NAV3: variants seen among roughly 807,000 people sequenced by gnomAD.
The protein encoded by NAV3 is neuron navigator 3.
NAV3 carries 87 observed loss-of-function variants against 244.7 expected under a neutral mutation model. The observed-to-expected ratio is 0.36, with a 90% CI of 0.30 to 0.42. The LOEUF (loss-of-function observed/expected upper bound fraction) is 0.42, where lower values mean the gene tolerates loss of function less well. Ranked by LOEUF, NAV3 falls within the 20% of genes least tolerant of loss-of-function variation. The probability of loss-of-function intolerance (pLI) is 1.00; values close to 1 mark genes in which losing one functional copy is unlikely to be tolerated. For synonymous variants in NAV3, 1,126 were observed against 1,042.2 expected, an observed-to-expected ratio of 1.08 and a Z score of -1.55; for missense variants, 2,663 against 2,893.3, an observed-to-expected ratio of 0.92 and a Z score of 1.83.
intron 1 of NAV3, among the ~76,000 whole-genome samples, chr12:77,889,021 C>A (rs924508815): frequency 1.3e-5 from 2 of 152,148 alleles, no homozygotes; most frequent in Non-Finnish European, 2.9e-5. Flanking sequence ...CTGGGCCCAG[C>A]ATGATGGTTA....
chr12:77,637,000 T>A (rs12816877), intron 2 of NAV3, among the ~76,000 whole-genome samples: 1 of 151,274 alleles, frequency 6.6e-6, no homozygotes, highest in Admixed American at 6.6e-5. Context: ...GGGGGTGGGG[T>A]CTTAGGAGAG....
intron 2 of NAV3, among the ~76,000 whole-genome samples, chr12:77,747,696 A>T (rs1275186785): frequency 6.6e-6 from 1 of 152,282 alleles, no homozygotes; most frequent in East Asian, 1.9e-4. Flanking sequence ...TGGAATACTA[A>T]GCAGCCATAA....
At chr12:77,630,557 C>T (rs1212466450) in intron 2 of NAV3, among the ~76,000 whole-genome samples, 1 of 152,164 alleles carries the variant, frequency 6.6e-6, no homozygotes, top group Non-Finnish European at 1.5e-5. Flanking sequence ...TCAGCTTCTC[C>T]TCCTCCCCAG....
intron 2 of NAV3, among the ~76,000 whole-genome samples, chr12:77,772,057 A>G (rs1463278227): frequency 6.6e-6 from 1 of 152,232 alleles, no homozygotes; most frequent in Non-Finnish European, 1.5e-5. Flanking sequence ...TGTACTAAAC[A>G]TGGTGCAAAG....
At chr12:77,966,162 T>C in intron 3 of NAV3, 67 bp from the exon 4 acceptor site, 1 of 1,304,002 alleles carries the variant, frequency 7.7e-7, no homozygotes, top group Admixed American at 1.7e-5. Flanking sequence ...TCTGGTTTCA[T>C]TTTGGCACAT....
chr12:78,043,953 C>G (rs980542901), intron 9 of NAV3, among the ~76,000 whole-genome samples: 1 of 152,140 alleles, frequency 6.6e-6, no homozygotes, highest in African/African-American at 2.4e-5. Context: ...CATTTGTCAA[C>G]TTTGGCTTTT....
intron 2 of NAV3, among the ~76,000 whole-genome samples, chr12:77,617,605 G>A (rs924588637): frequency 6.6e-6 from 1 of 152,176 alleles, no homozygotes; most frequent in Admixed American, 6.5e-5. Flanking sequence ...TTTCAGGGCG[G>A]CCAAGCAAGG....
intron 3 of NAV3, among the ~76,000 whole-genome samples, chr12:77,959,661 C>A (rs1241874256): frequency 6.6e-6 from 1 of 151,730 alleles, no homozygotes; most frequent in Non-Finnish European, 1.5e-5. Context: ...ATGGGCCCCA[C>A]CATCATGGAA....
intron 22 of NAV3, among the ~76,000 whole-genome samples, chr12:78,153,423 G>A (rs968899870): frequency 6.6e-6 from 1 of 151,986 alleles, no homozygotes; most frequent in Non-Finnish European, 1.5e-5. Context: ...TATATTGGCA[G>A]GTCCTATTGC....
At chr12:77,982,819 C>G (rs930281680) in intron 5 of NAV3, among the ~76,000 whole-genome samples, 1 of 152,168 alleles carries the variant, frequency 6.6e-6, no homozygotes, top group African/African-American at 2.4e-5. Context: ...AAAGAATCCA[C>G]TTCCAAGATG....
chr12:78,131,620 T>A (rs549740361), intron 18 of NAV3, among the ~76,000 whole-genome samples: 1 of 152,314 alleles, frequency 6.6e-6, no homozygotes, highest in South Asian at 2.1e-4. Flanking sequence ...CTTCTATTTT[T>A]CCTCACCATT....
At chr12:77,706,186 T>TA (rs1486162940) in intron 2 of NAV3, among the ~76,000 whole-genome samples, 1 of 151,424 alleles carries the variant, frequency 6.6e-6, no homozygotes, top group African/African-American at 2.5e-5. Flanking sequence ...CAGGTATACT[T>TA]ATCACCATGC....
rs2139654682 is a variant in NAV3, at chr12:78,175,508, C to T, written c.5103+81C>T. The T allele has an allele frequency of 2.6e-6, 4 of 1,526,442 alleles. No individual in the cohort carries two copies. In the East Asian group the frequency reaches 7.1e-5, roughly 27 times the overall value. 94.6% of individuals were successfully genotyped at this position (1,526,442 alleles called of 1,614,324 possible). ...CCTTTTTCTTTGGGGCTTTAGTGAT[C>T]TGCAGTAGTTTACAAAGGGTCCCAT... is the stretch of plus-strand genomic sequence containing the variant. On this transcript the variant is annotated intron_variant, in intron 25 of 39. Coordinates refer to ENST00000397909, the MANE Select transcript of NAV3 (RefSeq NM_001024383.2).
At chr12:77,663,382 T>C (rs1324293380) in intron 2 of NAV3, among the ~76,000 whole-genome samples, 1 of 152,160 alleles carries the variant, frequency 6.6e-6, no homozygotes, top group African/African-American at 2.4e-5. Context: ...AGTGCCTCAG[T>C]TGGAAACTAA....
intron 1 of NAV3, among the ~76,000 whole-genome samples, chr12:77,909,499 G>T (rs1345757562): frequency 6.6e-6 from 1 of 152,002 alleles, no homozygotes; most frequent in African/African-American, 2.4e-5. Flanking sequence ...GGCACTGCAT[G>T]CTGGTACCAC....
At chr12:77,872,703 A>C (rs1245805901) in intron 1 of NAV3, among the ~76,000 whole-genome samples, 1 of 152,218 alleles carries the variant, frequency 6.6e-6, no homozygotes, top group Non-Finnish European at 1.5e-5. Context: ...CATGTTTACC[A>C]AGATTTTAAT....
intron 1 of NAV3, among the ~76,000 whole-genome samples, chr12:77,917,226 A>C (rs1359440438): frequency 6.6e-6 from 1 of 152,004 alleles, no homozygotes; most frequent in Non-Finnish European, 1.5e-5. Flanking sequence ...CCTTATAACT[A>C]AATGGCACAT....
At chr12:77,606,078 T>A (rs1049509927) in intron 2 of NAV3, among the ~76,000 whole-genome samples, 1 of 152,154 alleles carries the variant, frequency 6.6e-6, no homozygotes, top group African/African-American at 2.4e-5. Flanking sequence ...TCTCTAGAGA[T>A]ACCGTCTGAA....
chr12:77,778,210 CTCCTT>C (rs1211238829), intron 2 of NAV3, among the ~76,000 whole-genome samples: 3 of 142,678 alleles, frequency 2.1e-5, no homozygotes, highest in African/African-American at 7.8e-5. Flanking sequence ...CCTCTCCCCT[CTCCTT>C]TCCTCTCCTC....
Sources: gnomAD v4.1 joint callset for allele counts (sites outside exome capture counted in the v4.1 genomes callset) on GRCh38, gnomAD v4.1.1 for gene constraint, MANE v1.5 for transcripts, NCBI Gene and HGNC (gene_info 2026-07-23, HGNC 2026-07-21) for gene names.